The following TAF1D variants were observed in gnomAD, a reference collection of about 807,000 sequenced individuals.
TAF1D encodes the protein TATA-box binding protein associated factor, RNA polymerase I subunit D, also known as TATA box-binding protein-associated factor RNA polymerase I subunit D.
Under a neutral mutation model 26.2 loss-of-function variants are expected in TAF1D, and 23 were observed. The observed-to-expected ratio is 0.88, with a 90% CI of 0.63 to 1.25. The LOEUF (loss-of-function observed/expected upper bound fraction) is 1.25, where lower values mean the gene tolerates loss of function less well. Ranked by LOEUF, TAF1D falls within the 50% of genes most tolerant of loss-of-function variation. The pLI is 0.00. For synonymous variants in TAF1D, 100 were observed against 105.6 expected, an observed-to-expected ratio of 0.95 and a Z score of 0.33; for missense variants, 299 against 322.0, an observed-to-expected ratio of 0.93 and a Z score of 0.55.
chr11:93,735,633 C>G lies in TAF1D; in HGVS notation c.*528G>C. ...CAGTAAGCCAAGACTGCGGCCATTGCACTACAGCCTGGGTGACAGATCGAG... is the reference window on the plus strand; with the variant it reads ...CAGTAAGCCAAGACTGCGGCCATTGGACTACAGCCTGGGTGACAGATCGAG... On this transcript the variant is annotated 3_prime_UTR_variant, in exon 6 of 6. Transcript: ENST00000448108. The G allele has an allele frequency of 4.2e-6, 4 of 957,468 alleles. No individual in the cohort carries two copies. The highest frequency in any genetic ancestry group is 5.0e-6 in the Non-Finnish European group (4 of 800,180). The allele number at this position is 957,468 out of a possible 1,614,324, so 59.3% of individuals were successfully genotyped here. A position where few individuals can be genotyped will look rare whatever the true frequency, so the allele number is the denominator to read the frequency against.
At chr11:93,736,351 AG>A (rs748576035) in intron 5 of TAF1D, 47 bp from the exon 6 acceptor site, 4 of 1,553,808 alleles carry the variant, frequency 2.6e-6, no homozygotes, top group Non-Finnish European at 3.5e-6. Flanking sequence ...TAACTCAAAT[AG>A]TTTAGTAATT....
At chr11:93,731,395 T>A, downstream of TAF1D, 1 of 456,682 alleles carries the variant, frequency 2.2e-6, no homozygotes, top group East Asian at 6.3e-5. Flanking sequence ...AAATCAATGA[T>A]CCCATGCCCA....
Position 93,737,063 on chromosome 11 carries a change from C to T in TAF1D, c.635+1G>A, listed in dbSNP as rs1277509261. The T allele has an allele frequency of 6.3e-6, 10 of 1,585,266 alleles. No homozygotes were observed. The highest frequency in any genetic ancestry group is 7.7e-6 in the Non-Finnish European group (9 of 1,168,646). On this transcript the variant is annotated splice_donor_variant, in intron 4 of 5. Coordinates refer to ENST00000448108, the MANE Select transcript of TAF1D (RefSeq NM_024116.4). LOFTEE classifies it high-confidence loss of function. ...AAAGTATTTCATATGATTCCACTTA[C>T]GTTGACTCCTCAATAGGAGAAATGG...
chr11:93,738,612 G>A (rs2135513161), intron 2 of TAF1D, 113 bp from the exon 3 acceptor site: 2 of 1,152,470 alleles, frequency 1.7e-6, no homozygotes, highest in Middle Eastern at 3.0e-4. Flanking sequence ...AACATGCCCA[G>A]AATTAAAAAT....
At chr11:93,732,721 C>A (rs1939487748), downstream of TAF1D, 1 of 266,006 alleles carries the variant, frequency 3.8e-6, no homozygotes. Context: ...GGAATATATA[C>A]ATGTAACTTA....
In TAF1D at chr11:93,738,193, T is replaced by C; in HGVS notation, c.375A>G (p.Gln125=). The C allele has an allele frequency of 5.0e-6, 8 of 1,591,612 alleles. No individual in the cohort carries two copies. Among genetic ancestry groups the C allele is most frequent in the Non-Finnish European group, 6.8e-6 (8 of 1,174,340 alleles). The stretch of plus-strand genomic sequence containing the variant: ...GGAAGCCAGATCCTCTGCTTCTAAA[T>C]TGTTTCTTCTTATCTATTAGTGAGT... ...PIYSLIDKKK[Q]FRSRGSGFPF... is the part of the protein sequence containing the mutation. The change falls in exon 3 of 6, where the codon CAA becomes CAG. Residue 125 remains glutamine, a synonymous_variant. Transcript: ENST00000448108.
At chr11:93,731,574 G>A (rs368012426), downstream of TAF1D, 210 of 518,660 alleles carry the variant, frequency 4.0e-4, 2 homozygotes, top group South Asian at 2.6e-3. Flanking sequence ...TCATAACATC[G>A]TTAATAATGA....
chr11:93,734,483 G>A (rs1322541159), downstream of TAF1D: 1 of 375,424 alleles, frequency 2.7e-6, no homozygotes, highest in African/African-American at 2.1e-5. Context: ...TGTGAATCTA[G>A]GATTCTTCTT....
chr11:93,736,800 A>T, intron 4 of TAF1D, 49 bp from the exon 5 acceptor site: 1 of 1,558,910 alleles, frequency 6.4e-7, no homozygotes, highest in African/African-American at 1.4e-5. Flanking sequence ...TCGATGACCT[A>T]ATTAGTTGTA....
chr11:93,740,581 A>G (rs886263358), intron 1 of TAF1D, among the ~76,000 whole-genome samples: 7 of 152,092 alleles, frequency 4.6e-5, no homozygotes, highest in Non-Finnish European at 1.0e-4. Context: ...TTACATATAA[A>G]TCCTAGGATG....
exon 12 of TAF1D, chr11:93,730,561 G>GA: frequency 2.1e-6 from 1 of 482,006 alleles, no homozygotes; most frequent in Admixed American, 2.4e-5. Context: ...GGAGTGCTAT[G>GA]GCTTCCTATA....
chr11:93,735,749 G>A lies in TAF1D; in HGVS notation c.*412C>T. 9.6e-7 allele frequency: 1 copy of A among 1,047,028 alleles called. No homozygotes were observed. Among genetic ancestry groups the A allele is most frequent in the Non-Finnish European group, 1.2e-6 (1 of 868,570 alleles). 64.9% of individuals were successfully genotyped at this position (1,047,028 alleles called of 1,614,324 possible). A position where few individuals can be genotyped will look rare whatever the true frequency, so the allele number is the denominator to read the frequency against. On this transcript the variant is annotated 3_prime_UTR_variant, in exon 6 of 6. Transcript: ENST00000448108. Reference sequence around the variant, plus strand: ...ATACTAAGCATCTGACAGGTCACTTGTCATGGCTGAACAAAGCTGGGATAA... The same window carrying A: ...ATACTAAGCATCTGACAGGTCACTTATCATGGCTGAACAAAGCTGGGATAA...
downstream of TAF1D, chr11:93,735,116 C>T: frequency 7.4e-7 from 1 of 1,342,670 alleles, no homozygotes. Flanking sequence ...ATCATAATAT[C>T]CCTTCTTATA....
rs1591275725 is a variant in TAF1D at position 93,736,103 on chromosome 11, A to G, written c.*58T>C. ...GGTACATATATCCACATTTATCTTT[A>G]TTCATTTCTATGAAGTCGTTTTTTC... On this transcript the variant is annotated 3_prime_UTR_variant, in exon 6 of 6. Transcript: ENST00000448108. 15 of 1,605,450 alleles carry G rather than the reference A, an allele frequency of 9.3e-6. 1 individual carries two copies. In the East Asian group the frequency reaches 3.4e-4, roughly 36 times the overall value.
At position 93,740,532 on chromosome 11, in the gene TAF1D, T is replaced by C. The variant is rs796867455; in HGVS notation, c.-28+790A>G. Reference sequence around the variant, plus strand: ...ATTGTACATGCCTTAGTCAATCTCTTGTCTCATTCTGTAGCTTCTTGGGAC... The same window carrying C: ...ATTGTACATGCCTTAGTCAATCTCTCGTCTCATTCTGTAGCTTCTTGGGAC... On this transcript the variant is annotated intron_variant, in intron 1 of 5. Transcript: ENST00000448108. 2.6e-5 allele frequency among the ~76,000 whole-genome samples: 4 copies of C among 151,440 alleles called. No homozygotes were observed. In the South Asian group the frequency reaches 6.3e-4, roughly 24 times the overall value.
chr11:93,736,037 T>C lies in TAF1D; in HGVS notation c.*124A>G. ...ACAGGGTTAAAAATTTTTTTTCTTG[T>C]TATAAAGTTCTGGGTTTCAGAATTT... On this transcript the variant is annotated 3_prime_UTR_variant, in exon 6 of 6. Transcript: ENST00000448108. 1 of 1,442,080 alleles carries C rather than the reference T, an allele frequency of 6.9e-7. No individual in the cohort carries two copies. The highest frequency in any genetic ancestry group is 9.1e-7 in the Non-Finnish European group (1 of 1,102,330). 89.3% of individuals were successfully genotyped at this position (1,442,080 alleles called of 1,614,324 possible). A position where few individuals can be genotyped will look rare whatever the true frequency, so the allele number is the denominator to read the frequency against.
chr11:93,738,330 T>A lies in TAF1D; in HGVS notation c.238A>T (p.Ile80Phe). The A allele has an allele frequency of 6.2e-7, 1 of 1,612,102 alleles. No homozygotes were observed. Among genetic ancestry groups the A allele is most frequent in the Middle Eastern group, 1.7e-4 (1 of 6,050 alleles). ...TTCCTGTTCTTGAATCTTTCAAAAA[T>A]AGCTTTTATAGTCAATGGTATTGGT... ...FEPIPLTIKA[I>F]FERFKNRKKR... Residue 80 changes from isoleucine to phenylalanine, a missense_variant, in exon 3 of 6, where the codon ATT becomes TTT. Transcript: ENST00000448108.
chr11:93,733,575 G>A (rs754720066), downstream of TAF1D: 1 of 518,776 alleles, frequency 1.9e-6, no homozygotes, highest in Non-Finnish European at 3.8e-6. Flanking sequence ...TACAGGAAAA[G>A]CCCCATCGGG....
In TAF1D at chr11:93,738,461, C is replaced by T. The variant is rs777622548; in HGVS notation, c.107G>A (p.Cys36Tyr). The change falls in exon 3 of 6, where the codon TGT (cysteine) becomes TAT (tyrosine). Residue 36 changes from cysteine to tyrosine, a missense_variant. Transcript: ENST00000448108. The part of the protein sequence containing the change: ...SSDSSLFKTQ[C>Y]IPYSPKGEKR... ...CTCCCCTTTAGGTGAGTAAGGGATA[C>T]ACTGAGTTTTAAATAAGCTGCTATC... 6 of 1,585,244 alleles carry T rather than the reference C, an allele frequency of 3.8e-6. No individual in the cohort carries two copies. Among genetic ancestry groups the T allele is most frequent in the Middle Eastern group, 1.7e-4 (1 of 5,892 alleles).
Sources: gnomAD v4.1 joint callset for allele counts (sites outside exome capture counted in the v4.1 genomes callset) on GRCh38, gnomAD v4.1.1 for gene constraint, MANE v1.5 for transcripts, NCBI Gene and HGNC (gene_info 2026-07-23, HGNC 2026-07-21) for gene names.